RAB3C: variants seen among roughly 807,000 people sequenced by gnomAD.
RAB3C encodes ras-related protein Rab-3C.
RAB3C carries 17 observed loss-of-function variants against 26.4 expected under a neutral mutation model. The ratio of observed to expected loss-of-function variants is 0.64; its 90% CI spans 0.44 to 0.97. The LOEUF (loss-of-function observed/expected upper bound fraction) is 0.97, where lower values mean the gene tolerates loss of function less well. RAB3C is among the 50% of genes least tolerant of loss of function. RAB3C has a pLI of 0.00. For synonymous variants in RAB3C, 91 were observed against 95.9 expected (o/e 0.95, Z 0.30); for missense variants, 242 against 281.9 (o/e 0.86, Z 1.01).
At chr5:58,692,778 G>C (rs1748597670) in intron 2 of RAB3C, among the ~76,000 whole-genome samples, 1 of 151,880 alleles carries the variant, frequency 6.6e-6, no homozygotes, top group Non-Finnish European at 1.5e-5. Flanking sequence ...GTAAGTCCTT[G>C]GCACCTATAA....
At chr5:58,724,429 CTG>C (rs1190797952) in intron 2 of RAB3C, among the ~76,000 whole-genome samples, 1 of 151,702 alleles carries the variant, frequency 6.6e-6, no homozygotes, top group Non-Finnish European at 1.5e-5. Context: ...ATTAAATAAA[CTG>C]AGACTGAATT....
chr5:58,726,978 A>G (rs1468809936), intron 3 of RAB3C, among the ~76,000 whole-genome samples: 1 of 151,934 alleles, frequency 6.6e-6, no homozygotes, highest in Non-Finnish European at 1.5e-5. Flanking sequence ...TGACATTAGG[A>G]AGGAAATGGA....
chr5:58,756,229 A>G lies in RAB3C; in HGVS notation c.371+30109A>G, dbSNP rs1038702491. 2.7e-5 allele frequency among the ~76,000 whole-genome samples: 4 copies of G among 149,860 alleles called. No individual in the cohort carries two copies. In the East Asian group the frequency reaches 7.8e-4, roughly 29 times the overall value. On this transcript the variant is annotated intron_variant, in intron 3 of 4. Transcript: ENST00000282878. Reference sequence around the variant, plus strand: ...ACTTAATTTTTTTCTTAATAAATTGAAGGTGTCACATACATGATGGCCCTT... The same window carrying G: ...ACTTAATTTTTTTCTTAATAAATTGGAGGTGTCACATACATGATGGCCCTT...
At chr5:58,702,495 T>C (rs766106396) in intron 2 of RAB3C, among the ~76,000 whole-genome samples, 1 of 152,186 alleles carries the variant, frequency 6.6e-6, no homozygotes, top group Non-Finnish European at 1.5e-5. Flanking sequence ...TCCAGGCACC[T>C]GCACACCTAC....
rs1473967562 is a variant in RAB3C, at chr5:58,851,549, A to G, written c.*198A>G. Reference sequence around the variant, plus strand: ...AATATGTGATCTTAAATTTATAAGGACTATCCATCTATAAACATCTGGTAC... The same window carrying G: ...AATATGTGATCTTAAATTTATAAGGGCTATCCATCTATAAACATCTGGTAC... On this transcript the variant is annotated 3_prime_UTR_variant, in exon 5 of 5. Coordinates refer to ENST00000282878, the MANE Select transcript of RAB3C (RefSeq NM_138453.4). 1 of 450,702 alleles carries G rather than the reference A, an allele frequency of 2.2e-6. No homozygotes were observed. Among genetic ancestry groups the G allele is most frequent in the Admixed American group, 4.0e-5 (1 of 25,304 alleles). 27.9% of individuals were successfully genotyped at this position (450,702 alleles called of 1,614,324 possible). A position where few individuals can be genotyped will look rare whatever the true frequency, so the allele number is the denominator to read the frequency against.
chr5:58,797,331 C>T (rs1579923389), intron 3 of RAB3C, among the ~76,000 whole-genome samples: 1 of 93,746 alleles, frequency 1.1e-5, no homozygotes, highest in African/African-American at 4.1e-5. Context: ...ATCAGACTCC[C>T]TGGAAGACAA....
chr5:58,772,556 C>T (rs1742051321), intron 3 of RAB3C, among the ~76,000 whole-genome samples: 1 of 152,096 alleles, frequency 6.6e-6, no homozygotes, highest in Admixed American at 6.6e-5. Context: ...AGAATGTTCT[C>T]CAAGGTTGAA....
intron 3 of RAB3C, among the ~76,000 whole-genome samples, chr5:58,759,823 G>A (rs1472710836): frequency 3.3e-5 from 5 of 152,136 alleles, no homozygotes; most frequent in African/African-American, 4.8e-5. Context: ...TCAAAATTTA[G>A]CATCATGGGT....
intron 3 of RAB3C, among the ~76,000 whole-genome samples, chr5:58,788,814 T>C (rs910762883): frequency 1.3e-5 from 2 of 152,194 alleles, no homozygotes; most frequent in Non-Finnish European, 2.9e-5. Flanking sequence ...AAGCAATATT[T>C]GCTACAGAAA....
intron 2 of RAB3C, among the ~76,000 whole-genome samples, chr5:58,681,413 G>A (rs531863139): frequency 6.6e-6 from 1 of 152,284 alleles, no homozygotes; most frequent in Non-Finnish European, 1.5e-5. Flanking sequence ...AGGCAATTAC[G>A]CCAGAGGAAA....
chr5:58,810,362 G>GCTCTC (rs1386708224), intron 3 of RAB3C, among the ~76,000 whole-genome samples: 1 of 81,108 alleles, frequency 1.2e-5, no homozygotes, highest in Non-Finnish European at 2.9e-5. Context: ...AGTACTCTGT[G>GCTCTC]TGCTCTCTCT....
intron 2 of RAB3C, among the ~76,000 whole-genome samples, chr5:58,627,493 A>C (rs1579824879): frequency 1.2e-4 from 3 of 24,852 alleles, no homozygotes; most frequent in South Asian, 1.3e-3. Flanking sequence ...AAAAAAAAAA[A>C]AAAAAAAAAA....
At chr5:58,791,112 C>G (rs1361668069) in intron 3 of RAB3C, among the ~76,000 whole-genome samples, 1 of 151,752 alleles carries the variant, frequency 6.6e-6, no homozygotes, top group Non-Finnish European at 1.5e-5. Context: ...CTCAGTCAAG[C>G]CCTTTACCCA....
At chr5:58,599,213 C>A (rs1175617422) in intron 1 of RAB3C, among the ~76,000 whole-genome samples, 1 of 152,126 alleles carries the variant, frequency 6.6e-6, no homozygotes, top group African/African-American at 2.4e-5. Flanking sequence ...CATCTGCATG[C>A]ACGTAACTTT....
chr5:58,826,140 G>A (rs1743470457), intron 4 of RAB3C, among the ~76,000 whole-genome samples: 1 of 152,082 alleles, frequency 6.6e-6, no homozygotes, highest in African/African-American at 2.4e-5. Flanking sequence ...GGAGTGTGAT[G>A]GGAGGAAGAT....
intron 3 of RAB3C, chr5:58,814,653 G>A (rs968510539): frequency 2.0e-5 from 3 of 152,172 alleles, no homozygotes; most frequent in African/African-American, 7.2e-5. Context: ...GCTGAGGAAC[G>A]TCTTACCTTT....
At chr5:58,830,631 T>C (rs1743591865) in intron 4 of RAB3C, among the ~76,000 whole-genome samples, 1 of 152,188 alleles carries the variant, frequency 6.6e-6, no homozygotes, top group Non-Finnish European at 1.5e-5. Context: ...ACTTTTCAGT[T>C]TAAATCACCC....
chr5:58,732,191 A>G (rs1446679597), intron 3 of RAB3C, among the ~76,000 whole-genome samples: 1 of 151,534 alleles, frequency 6.6e-6, no homozygotes, highest in Non-Finnish European at 1.5e-5. Context: ...ATGAATTTTA[A>G]AGCTTAAGAA....
intron 3 of RAB3C, among the ~76,000 whole-genome samples, chr5:58,731,713 C>T (rs1343422487): frequency 6.6e-6 from 1 of 152,132 alleles, no homozygotes; most frequent in Non-Finnish European, 1.5e-5. Flanking sequence ...CATCTCAGGA[C>T]AGACTATCTG....
Sources: allele counts gnomAD v4.1 joint callset (sites outside exome capture counted in the v4.1 genomes callset), GRCh38; gene constraint gnomAD v4.1.1; transcripts MANE v1.5; gene names NCBI Gene and HGNC (gene_info 2026-07-23, HGNC 2026-07-21).